Variants in PEPD observed in about 807,000 individuals in gnomAD.
PEPD encodes xaa-Pro dipeptidase.
Under a neutral mutation model 60.7 loss-of-function variants are expected in PEPD, and 53 were observed. The observed-to-expected ratio is 0.87, with a 90% CI of 0.70 to 1.10. PEPD has a LOEUF of 1.10. Among genes scored for constraint, PEPD ranks in the 50% least tolerant of loss-of-function variants. PEPD has a pLI of 0.00. For synonymous variants in PEPD, 267 were observed against 284.1 expected (o/e 0.94, Z 0.60); for missense variants, 711 against 711.9 (o/e 1.00, Z 0.01).
chr19:33,424,786 T>C (rs1209280447), intron 9 of PEPD, among the ~76,000 whole-genome samples: 1 of 151,950 alleles, frequency 6.6e-6, no homozygotes, highest in Non-Finnish European at 1.5e-5. Flanking sequence ...ACAATCATGG[T>C]GGAAGACAAG....
intron 11 of PEPD, among the ~76,000 whole-genome samples, chr19:33,411,216 C>T (rs777563428): frequency 9.9e-5 from 15 of 152,182 alleles, no homozygotes; most frequent in East Asian, 1.9e-4. Flanking sequence ...GCAGAGGCCA[C>T]GGGCTCCTGC....
chr19:33,425,376 C>T (rs972691974), intron 9 of PEPD, among the ~76,000 whole-genome samples: 4 of 152,152 alleles, frequency 2.6e-5, no homozygotes, highest in Non-Finnish European at 5.9e-5. Flanking sequence ...CCAGAGGCCA[C>T]ATTGTCCCTC....
chr19:33,474,127 C>T (rs904273261), intron 7 of PEPD, among the ~76,000 whole-genome samples: 2 of 152,122 alleles, frequency 1.3e-5, no homozygotes, highest in African/African-American at 4.8e-5. Context: ...CCTACTATAC[C>T]CTGGCCCCAG....
At chr19:33,516,637 C>G (rs538076454) in intron 1 of PEPD, among the ~76,000 whole-genome samples, 1 of 152,032 alleles carries the variant, frequency 6.6e-6, no homozygotes, top group Admixed American at 6.5e-5. Context: ...TCAACAGCCA[C>G]GTGCAGGGCT....
intron 9 of PEPD, among the ~76,000 whole-genome samples, chr19:33,425,445 AG>A (rs2145387423): frequency 6.6e-6 from 1 of 152,268 alleles, no homozygotes; most frequent in South Asian, 2.1e-4. Context: ...GAAGCAAGCC[AG>A]GTATGCAGGG....
chr19:33,463,849 TC>T, intron 8 of PEPD, 137 bp downstream of exon 8: 1 of 711,910 alleles, frequency 1.4e-6, no homozygotes, highest in Non-Finnish European at 2.6e-6. Context: ...AAGAGAACAA[TC>T]ACTGTGTAAA....
intron 12 of PEPD, 94 bp downstream of exon 12, chr19:33,401,627 C>T (rs1256481753): frequency 8.3e-7 from 1 of 1,199,256 alleles, no homozygotes; most frequent in East Asian, 2.5e-5. Context: ...ATTCAAGTCA[C>T]ACAATGCAGA....
At chr19:33,427,381 A>G (rs1264603825) in intron 9 of PEPD, among the ~76,000 whole-genome samples, 5 of 152,206 alleles carry the variant, frequency 3.3e-5, no homozygotes, top group Non-Finnish European at 7.3e-5. Context: ...AGATGGGGGA[A>G]GTGGGACAGC....
chr19:33,431,162 A>AGAAGGAAGGAAG (rs1275772073), intron 9 of PEPD, among the ~76,000 whole-genome samples: 1 of 134,800 alleles, frequency 7.4e-6, no homozygotes, highest in Admixed American at 7.6e-5. Flanking sequence ...AAGGAAGGAA[A>AGAAGGAAGGAAG]GAAGGAAGGA....
At chr19:33,433,867 C>T (rs1408000439) in intron 9 of PEPD, among the ~76,000 whole-genome samples, 2 of 152,216 alleles carry the variant, frequency 1.3e-5, no homozygotes, top group Admixed American at 1.3e-4. Context: ...CGGAGTCTGG[C>T]CGCAGGAGCA....
chr19:33,517,560 A>AAAAAAAC (rs147946504), intron 1 of PEPD, among the ~76,000 whole-genome samples: 92 of 151,688 alleles, frequency 6.1e-4, no homozygotes, highest in African/African-American at 2.1e-3. Flanking sequence ...CTCCGTTTCA[A>AAAAAAAC]AAAAAACAAA....
At chr19:33,496,078 CAG>C (rs1970597677) in intron 4 of PEPD, among the ~76,000 whole-genome samples, 1 of 152,146 alleles carries the variant, frequency 6.6e-6, no homozygotes, top group African/African-American at 2.4e-5. Context: ...TTAAAAGGAA[CAG>C]GGGTACACAT....
Position 33,500,956 on chromosome 19 carries a change from G to T in PEPD, c.375C>A (p.Asp125Glu). 5.6e-6 allele frequency: 9 copies of T among 1,602,844 alleles called. No individual in the cohort carries two copies. The highest frequency in any genetic ancestry group is 7.7e-6 in the Non-Finnish European group (9 of 1,169,962). The change falls in exon 4 of 15, where the codon GAC (aspartate) becomes GAA (glutamate). Residue 125 changes from aspartate (D) to glutamate (E), a missense_variant. Coordinates refer to ENST00000244137, the MANE Select transcript of PEPD (RefSeq NM_000285.4). ...EHFKEKYAVDDVQYVDEIASV... is the reference protein window; with the variant it reads ...EHFKEKYAVDEVQYVDEIASV... ...TACCCACCTCATCTACGTACTGGAC[G>T]TCGTCCACGGCATACTTCTCCTTGA...
At chr19:33,443,316 C>G (rs886162723) in intron 9 of PEPD, among the ~76,000 whole-genome samples, 1 of 152,144 alleles carries the variant, frequency 6.6e-6, no homozygotes, top group African/African-American at 2.4e-5. Context: ...TTTATTTATC[C>G]GTGTAGGAGT....
rs754287293 is a variant in PEPD at position 33,512,724 on chromosome 19, CAA to C, written c.68_69del (p.Phe23CysfsTer9). 2 of 1,614,036 alleles carry C rather than the reference CAA, an allele frequency of 1.2e-6. No individual in the cohort carries two copies. The highest frequency in any genetic ancestry group is 2.2e-5 in the East Asian group (1 of 44,876). Reference protein sequence around the residue: ...NETLKVPLALFALNRQRLCER... With the variant: ...NETLKVPLALXALNRQRLCER... ...TCACACAGGCGCTGCCGGTTCAAGGCAAAGAGCGCCAGCGGCACCTTCAGGGT... is the reference window on the plus strand; with the variant it reads ...TCACACAGGCGCTGCCGGTTCAAGGCAGAGCGCCAGCGGCACCTTCAGGGT... On this transcript the variant is annotated frameshift_variant, in exon 2 of 15. Transcript: ENST00000244137. LOFTEE classifies it high-confidence loss of function.
At chr19:33,517,181 A>C (rs1263673614) in intron 1 of PEPD, among the ~76,000 whole-genome samples, 1 of 152,158 alleles carries the variant, frequency 6.6e-6, no homozygotes, top group Non-Finnish European at 1.5e-5. Flanking sequence ...ACCCTGTCTC[A>C]AATTTATGTA....
chr19:33,421,736 C>T (rs531136779), intron 9 of PEPD, among the ~76,000 whole-genome samples: 1 of 152,168 alleles, frequency 6.6e-6, no homozygotes, highest in East Asian at 1.9e-4. Flanking sequence ...CTCAAGCGAT[C>T]CTCCCACCTC....
intron 11 of PEPD, among the ~76,000 whole-genome samples, chr19:33,408,885 C>G (rs1968700763): frequency 6.6e-6 from 1 of 152,228 alleles, no homozygotes; most frequent in Admixed American, 6.5e-5. Flanking sequence ...TAAATGCCAC[C>G]AGCAATCTGG....
chr19:33,515,321 C>T lies in PEPD; in HGVS notation c.18-2545G>A, dbSNP rs376929329. ...GCACATGCTGACATGACTAGAGCCCCGCCCGCTCCCCCACGTGCCCTTCCT... is the reference window on the plus strand; with the variant it reads ...GCACATGCTGACATGACTAGAGCCCTGCCCGCTCCCCCACGTGCCCTTCCT... On this transcript the variant is annotated intron_variant, in intron 1 of 14. Coordinates refer to ENST00000244137, the MANE Select transcript of PEPD (RefSeq NM_000285.4). Among the ~76,000 whole-genome samples, 96 of 152,236 alleles carry T rather than the reference C, an allele frequency of 6.3e-4. 1 individual carries two copies. The highest frequency in any genetic ancestry group is 2.2e-3 in the African/African-American group (90 of 41,524).
Sources: gnomAD v4.1 joint callset for allele counts (sites outside exome capture counted in the v4.1 genomes callset) on GRCh38, gnomAD v4.1.1 for gene constraint, MANE v1.5 for transcripts, NCBI Gene and HGNC (gene_info 2026-07-23, HGNC 2026-07-21) for gene names.